RDX: variants seen among roughly 807,000 people sequenced by gnomAD.
The protein encoded by RDX is radixin, also known as deafness, autosomal recessive 24.
Under a neutral mutation model 83.7 loss-of-function variants are expected in RDX, and 32 were observed. That is an observed-to-expected ratio of 0.38 (90% CI 0.29 to 0.51). The LOEUF (loss-of-function observed/expected upper bound fraction) is 0.51, where lower values mean the gene tolerates loss of function less well. Among genes scored for constraint, RDX ranks in the 20% least tolerant of loss-of-function variants. RDX has a pLI of 0.87. For synonymous variants in RDX, 229 were observed against 222.7 expected, an observed-to-expected ratio of 1.03 and a Z score of -0.25; for missense variants, 600 against 689.9, an observed-to-expected ratio of 0.87 and a Z score of 1.46.
At chr11:110,236,494 T>C (rs550521490) in intron 11 of RDX, 3 of 306,624 alleles carry the variant, frequency 9.8e-6, no homozygotes, top group South Asian at 4.0e-5. Context: ...CAATAAACTA[T>C]TTGTTAAAGT....
chr11:110,264,910 G>A, intron 3 of RDX, 36 bp from the exon 4 acceptor site: 2 of 1,461,224 alleles, frequency 1.4e-6, no homozygotes, highest in Non-Finnish European at 1.9e-6. Context: ...CACAATTTCA[G>A]TCCAACATAC....
chr11:110,293,267 T>C (rs567911589), intron 1 of RDX, among the ~76,000 whole-genome samples: 7 of 152,330 alleles, frequency 4.6e-5, no homozygotes, highest in Non-Finnish European at 8.8e-5. Context: ...CAGCTACCTA[T>C]GGAAAACAGG....
At chr11:110,215,646 A>G (rs1864025026) in intron 14 of RDX, among the ~76,000 whole-genome samples, 1 of 152,218 alleles carries the variant, frequency 6.6e-6, no homozygotes. Flanking sequence ...TCTTTGGCCT[A>G]TAAGTCAATC....
intron 15 of RDX, chr11:110,179,903 C>CTTTT (rs528601645): frequency 1.4e-3 from 497 of 364,228 alleles, no homozygotes; most frequent in Admixed American, 2.0e-3. Flanking sequence ...TTTCTTTTTT[C>CTTTT]TTTTTTTTTT....
At chr11:110,216,421 G>T (rs1405008397) in intron 14 of RDX, among the ~76,000 whole-genome samples, 1 of 151,250 alleles carries the variant, frequency 6.6e-6, no homozygotes, top group Non-Finnish European at 1.5e-5. Flanking sequence ...TGCTCAGGCT[G>T]GAGTGCAGTG....
downstream of RDX, among the ~76,000 whole-genome samples, chr11:110,229,038 A>G (rs1353672336): frequency 6.6e-6 from 1 of 151,974 alleles, no homozygotes; most frequent in Non-Finnish European, 1.5e-5. Flanking sequence ...CTGTTCTATA[A>G]TACAGCTTCA....
intron 14 of RDX, among the ~76,000 whole-genome samples, chr11:110,218,190 G>A (rs574090907): frequency 5.7e-4 from 87 of 152,274 alleles, no homozygotes; most frequent in African/African-American, 2.0e-3. Flanking sequence ...GTTAGAGACA[G>A]CATTTTCTTG....
At chr11:110,250,858 T>C (rs1283384002) in intron 9 of RDX, among the ~76,000 whole-genome samples, 2 of 152,230 alleles carry the variant, frequency 1.3e-5, no homozygotes, top group Non-Finnish European at 2.9e-5. Context: ...CAGCCAACAC[T>C]TCATTCAAAT....
Position 110,185,603 on chromosome 11 carries a change from C to T in RDX, c.*32-10369G>A, listed in dbSNP as rs559391003. 5.3e-5 allele frequency: 8 copies of T among 152,336 alleles called. No homozygotes were observed. In the East Asian group the frequency reaches 9.6e-4, roughly 18 times the overall value. The allele number at this position is 152,336 out of a possible 1,614,324, so 9.4% of individuals were successfully genotyped here. A position where few individuals can be genotyped will look rare whatever the true frequency, so the allele number is the denominator to read the frequency against. On this transcript the variant is annotated intron_variant, in intron 15 of 15. Transcript: ENST00000528498. ...CCTGCAGGCAGTTCTGCTGCACATT[C>T]GAGTGAGAACCACGGGCTAAATCCA... is the stretch of plus-strand genomic sequence containing the variant.
intron 1 of RDX, among the ~76,000 whole-genome samples, chr11:110,289,131 G>C (rs1382606036): frequency 1.3e-5 from 2 of 150,784 alleles, no homozygotes; most frequent in Non-Finnish European, 2.9e-5. Flanking sequence ...CCAGCTACTT[G>C]AGAAGCTGAG....
chr11:110,261,707 T>A (rs1391109769), intron 5 of RDX, among the ~76,000 whole-genome samples: 1 of 152,240 alleles, frequency 6.6e-6, no homozygotes, highest in Non-Finnish European at 1.5e-5. Flanking sequence ...GAATATCAAC[T>A]CTGAAGGAAC....
At chr11:110,237,057 C>T (rs1281970696) in intron 11 of RDX, among the ~76,000 whole-genome samples, 3 of 147,996 alleles carry the variant, frequency 2.0e-5, no homozygotes, top group Non-Finnish European at 4.4e-5. Context: ...TTTGCAAGTC[C>T]ACTAAATAAA....
chr11:110,194,300 A>G (rs1591502368), intron 15 of RDX, among the ~76,000 whole-genome samples: 1 of 152,102 alleles, frequency 6.6e-6, no homozygotes, highest in South Asian at 2.1e-4. Context: ...ACACACAGTA[A>G]CCTCCGCCTT....
At chr11:110,177,317 G>A (rs1447149161) in intron 15 of RDX, among the ~76,000 whole-genome samples, 3 of 152,208 alleles carry the variant, frequency 2.0e-5, no homozygotes, top group Non-Finnish European at 2.9e-5. Context: ...CCCCATTGCT[G>A]CACTGCACAA....
At chr11:110,177,355 T>A (rs1862796562) in intron 15 of RDX, among the ~76,000 whole-genome samples, 1 of 152,214 alleles carries the variant, frequency 6.6e-6, no homozygotes, top group Non-Finnish European at 1.5e-5. Context: ...ATCTTGAAGC[T>A]CAGCTACTTC....
chr11:110,182,330 G>A (rs1591496463), intron 15 of RDX, among the ~76,000 whole-genome samples: 2 of 152,224 alleles, frequency 1.3e-5, no homozygotes, highest in East Asian at 3.8e-4. Flanking sequence ...GGCCGGGCAT[G>A]GTGGCTCATG....
At position 110,195,032 on chromosome 11, in the gene RDX, C is replaced by T. The variant is rs548967751; in HGVS notation, c.*31+4549G>A. On this transcript the variant is annotated intron_variant, in intron 15 of 15. Transcript: ENST00000528498. ...TTGAGACAGGATCTCGCTTTGTCGT[C>T]CAGGCTGGAGCGCAGTGGTGCGATC... Among the ~76,000 whole-genome samples the T allele has an allele frequency of 1.3e-4, 20 of 152,172 alleles. No homozygotes were observed. The South Asian group carries it at 3.9e-3, about 30-fold the overall frequency.
chr11:110,185,841 C>T (rs1482867861), intron 15 of RDX, among the ~76,000 whole-genome samples: 1 of 152,158 alleles, frequency 6.6e-6, no homozygotes, highest in Non-Finnish European at 1.5e-5. Flanking sequence ...ATGCTTCCTG[C>T]AGACAGCTCA....
chr11:110,262,834 G>A (rs774694815), intron 5 of RDX, among the ~76,000 whole-genome samples: 16 of 152,034 alleles, frequency 1.1e-4, no homozygotes, highest in East Asian at 3.9e-4. Flanking sequence ...GGGTGGAATC[G>A]GTACTCAAAA....
Sources: gnomAD v4.1 joint callset for allele counts (sites outside exome capture counted in the v4.1 genomes callset) on GRCh38, gnomAD v4.1.1 for gene constraint, MANE v1.5 for transcripts, NCBI Gene and HGNC (gene_info 2026-07-23, HGNC 2026-07-21) for gene names.